TNPO3: variants seen among roughly 807,000 people sequenced by gnomAD.
The protein encoded by TNPO3 is transportin 3.
In TNPO3, 65 loss-of-function variants were observed where a neutral mutation model predicts 122.8. That is an observed-to-expected ratio of 0.53 (90% CI 0.43 to 0.65). TNPO3 has a LOEUF of 0.65. TNPO3 is among the 30% of genes least tolerant of loss of function. The pLI, the probability that TNPO3 is intolerant of heterozygous loss-of-function variation, is 0.00. For missense variants in TNPO3, 850 were observed against 1,136.7 expected (o/e 0.75, Z 3.63); for synonymous variants, 372 against 411.2 (o/e 0.90, Z 1.15).
At chr7:128,995,337 T>G (rs1444848487) in intron 8 of TNPO3, among the ~76,000 whole-genome samples, 1 of 152,172 alleles carries the variant, frequency 6.6e-6, no homozygotes. Flanking sequence ...GAGTTACCAA[T>G]TATAAGATGG....
intron 7 of TNPO3, among the ~76,000 whole-genome samples, chr7:128,999,773 T>C (rs1801730270): frequency 6.6e-6 from 1 of 152,026 alleles, no homozygotes. Flanking sequence ...CCACCACGCC[T>C]GACTAATTTT....
intron 3 of TNPO3, 65 bp downstream of exon 3, chr7:129,016,918 A>G: frequency 1.4e-6 from 2 of 1,426,058 alleles, no homozygotes. Flanking sequence ...TATTGCTAAC[A>G]AATTTCTCTG....
chr7:128,964,244 C>T (rs777080558), intron 21 of TNPO3, among the ~76,000 whole-genome samples: 24 of 152,048 alleles, frequency 1.6e-4, no homozygotes, highest in Middle Eastern at 3.4e-3. Flanking sequence ...CAATACAATC[C>T]CCATCAAAAT....
intron 3 of TNPO3, 49 bp from the exon 4 acceptor site, chr7:129,015,184 C>T (rs779963829): frequency 6.3e-7 from 1 of 1,581,828 alleles, no homozygotes; most frequent in Admixed American, 1.9e-5. Flanking sequence ...AGAAAATACA[C>T]AATCACATAA....
chr7:129,042,026 A>G (rs1807437056), intron 1 of TNPO3, among the ~76,000 whole-genome samples: 1 of 152,194 alleles, frequency 6.6e-6, no homozygotes, highest in Non-Finnish European at 1.5e-5. Flanking sequence ...GCAGGCCCTC[A>G]ACAATGCAAG....
At chr7:128,962,625 G>T (rs1209474081) in intron 21 of TNPO3, among the ~76,000 whole-genome samples, 1 of 152,212 alleles carries the variant, frequency 6.6e-6, no homozygotes, top group South Asian at 2.1e-4. Flanking sequence ...AAGAGGGGAT[G>T]AGCAATCTCA....
At chr7:128,992,224 ATAT>A (rs1290073815) in intron 9 of TNPO3, 134 bp from the exon 10 acceptor site, 3 of 489,526 alleles carry the variant, frequency 6.1e-6, no homozygotes, top group South Asian at 6.5e-5. Context: ...CCAGATGAGA[ATAT>A]TATTTTCTTT....
At chr7:129,015,256 GA>G in intron 3 of TNPO3, 121 bp from the exon 4 acceptor site, 1 of 933,186 alleles carries the variant, frequency 1.1e-6, no homozygotes, top group South Asian at 1.6e-5. Flanking sequence ...TGTTAAGGGG[GA>G]GAAAAAAGAT....
chr7:129,005,948 AT>A (rs1446430425), intron 4 of TNPO3, among the ~76,000 whole-genome samples: 3 of 151,332 alleles, frequency 2.0e-5, no homozygotes, highest in African/African-American at 7.3e-5. Flanking sequence ...TACCCAGCTA[AT>A]TTTTTTGTAT....
chr7:128,982,910 C>A (rs1799771742), intron 13 of TNPO3, among the ~76,000 whole-genome samples: 1 of 152,142 alleles, frequency 6.6e-6, no homozygotes, highest in South Asian at 2.1e-4. Flanking sequence ...ATCTTTATAT[C>A]CTTTAAGGAA....
chr7:129,017,843 T>G (rs1243243941), intron 2 of TNPO3, 114 bp downstream of exon 2: 1 of 1,011,618 alleles, frequency 9.9e-7, no homozygotes, highest in African/African-American at 1.6e-5. Flanking sequence ...AACATAGCAG[T>G]ACATCTGTAA....
chr7:128,971,145 CTTTAA>C (rs755024840), intron 19 of TNPO3: 30 of 149,748 alleles, frequency 2.0e-4, no homozygotes, highest in Admixed American at 1.3e-3. Flanking sequence ...TTCTTGCGGT[CTTTAA>C]TTTTTTTTTT....
At chr7:128,988,123 C>T (rs776812069) in intron 11 of TNPO3, among the ~76,000 whole-genome samples, 8 of 151,818 alleles carry the variant, frequency 5.3e-5, no homozygotes, top group Admixed American at 1.3e-4. Flanking sequence ...TACAGGCATG[C>T]GCCACCAAGC....
At chr7:128,955,461 G>A in intron 22 of TNPO3, 76 bp from the exon 23 acceptor site, 1 of 377,792 alleles carries the variant, frequency 2.6e-6, no homozygotes, top group East Asian at 8.6e-5. Context: ...TAAGGCAGAG[G>A]TTTCTATATT....
intron 1 of TNPO3, among the ~76,000 whole-genome samples, chr7:129,053,826 C>G (rs1809114493): frequency 6.6e-6 from 1 of 152,042 alleles, no homozygotes; most frequent in African/African-American, 2.4e-5. Context: ...CACATTTACA[C>G]AGAAATGAAG....
intron 20 of TNPO3, among the ~76,000 whole-genome samples, chr7:128,967,739 A>C (rs544787813): frequency 3.4e-5 from 5 of 148,412 alleles, no homozygotes; most frequent in South Asian, 2.1e-4. Context: ...TGCGAACATG[A>C]ACACACACAC....
At chr7:129,036,982 G>A (rs1299809299) in intron 1 of TNPO3, among the ~76,000 whole-genome samples, 1 of 152,068 alleles carries the variant, frequency 6.6e-6, no homozygotes, top group African/African-American at 2.4e-5. Flanking sequence ...ACAATGAGAA[G>A]AATGCAAGTG....
chr7:128,985,552 T>C (rs1378872455), intron 12 of TNPO3, among the ~76,000 whole-genome samples: 1 of 152,224 alleles, frequency 6.6e-6, no homozygotes, highest in African/African-American at 2.4e-5. Context: ...GCTATGATCA[T>C]GCCACTGCAT....
intron 1 of TNPO3, among the ~76,000 whole-genome samples, chr7:129,038,444 C>G (rs1469012591): frequency 6.6e-6 from 1 of 152,148 alleles, no homozygotes; most frequent in African/African-American, 2.4e-5. Context: ...GAGCTAAAAA[C>G]AGAACTACCA....
Sources: allele counts gnomAD v4.1 joint callset (sites outside exome capture counted in the v4.1 genomes callset), GRCh38; gene constraint gnomAD v4.1.1; transcripts MANE v1.5; gene names NCBI Gene and HGNC (gene_info 2026-07-23, HGNC 2026-07-21).